NGF: variants seen among roughly 807,000 people sequenced by gnomAD.
NGF encodes nerve growth factor, also known as beta-nerve growth factor.
A neutral mutation model predicts 12.8 loss-of-function variants in NGF; 4 were observed. That is an observed-to-expected ratio of 0.31 (90% confidence interval 0.15 to 0.72). The LOEUF (loss-of-function observed/expected upper bound fraction) is 0.72, where lower values mean the gene tolerates loss of function less well. Among genes scored for constraint, NGF ranks in the 30% least tolerant of loss-of-function variants. NGF has a pLI of 0.69. For missense variants in NGF, 283 were observed against 330.8 expected, an observed-to-expected ratio of 0.86 and a Z score of 1.12; for synonymous variants, 140 against 130.0, an observed-to-expected ratio of 1.08 and a Z score of -0.52.
intron 1 of NGF, among the ~76,000 whole-genome samples, chr1:115,294,924 G>A (rs1397119530): frequency 6.6e-6 from 1 of 152,184 alleles, no homozygotes; most frequent in Non-Finnish European, 1.5e-5. Flanking sequence ...GAACAAGAGG[G>A]TGATATTTAC....
intron 1 of NGF, among the ~76,000 whole-genome samples, chr1:115,333,845 T>G (rs1405677720): frequency 6.6e-6 from 1 of 151,582 alleles, no homozygotes; most frequent in African/African-American, 2.4e-5. Flanking sequence ...CTCTTTCTTT[T>G]CTTTTCTTTC....
At chr1:115,308,870 A>C (rs4529705) in intron 1 of NGF, among the ~76,000 whole-genome samples, 1 of 151,936 alleles carries the variant, frequency 6.6e-6, no homozygotes, top group Non-Finnish European at 1.5e-5. Flanking sequence ...TATACCATTC[A>C]TCAGTCAGAG....
chr1:115,323,878 T>C (rs1309939641), intron 1 of NGF, among the ~76,000 whole-genome samples: 1 of 152,174 alleles, frequency 6.6e-6, no homozygotes, highest in Non-Finnish European at 1.5e-5. Flanking sequence ...ACCCTGACCA[T>C]ACCCTTTCTC....
chr1:115,311,376 T>C (rs1205648410), intron 1 of NGF, among the ~76,000 whole-genome samples: 1 of 152,178 alleles, frequency 6.6e-6, no homozygotes, highest in African/African-American at 2.4e-5. Flanking sequence ...CTCTTAAATG[T>C]ATGCTCAGTA....
intron 1 of NGF, among the ~76,000 whole-genome samples, chr1:115,316,987 A>T (rs557844659): frequency 1.3e-5 from 2 of 152,178 alleles, no homozygotes; most frequent in East Asian, 3.9e-4. Context: ...ATCCTTCCAG[A>T]ATTGTCCATG....
chr1:115,333,499 T>TAAAAAAAAAAAAAAAAA (rs34024301), intron 1 of NGF, among the ~76,000 whole-genome samples: 1 of 76,594 alleles, frequency 1.3e-5, no homozygotes, highest in African/African-American at 5.0e-5. Context: ...ATAGTACTAC[T>TAAAAAAAAAAAAAAAAA]AAAAAAAAAA....
At chr1:115,336,040 C>A (rs1165884228) in intron 1 of NGF, among the ~76,000 whole-genome samples, 1 of 152,170 alleles carries the variant, frequency 6.6e-6, no homozygotes, top group Non-Finnish European at 1.5e-5. Context: ...ACAGATTTCT[C>A]CCTGAAAGAG....
chr1:115,301,656 A>G (rs2101033290), intron 1 of NGF, among the ~76,000 whole-genome samples: 1 of 152,308 alleles, frequency 6.6e-6, no homozygotes, highest in Middle Eastern at 3.4e-3. Flanking sequence ...GGAACTGAGC[A>G]ATTGTAGAAC....
At chr1:115,306,203 T>C (rs921752822) in intron 1 of NGF, among the ~76,000 whole-genome samples, 3 of 152,204 alleles carry the variant, frequency 2.0e-5, no homozygotes, top group African/African-American at 7.2e-5. Context: ...GCAAAGACTA[T>C]GGTTTGAGGG....
intron 1 of NGF, among the ~76,000 whole-genome samples, chr1:115,331,366 C>T (rs1295139397): frequency 6.6e-6 from 1 of 152,160 alleles, no homozygotes; most frequent in Non-Finnish European, 1.5e-5. Flanking sequence ...ATGGGACAGC[C>T]CCTCACTGCC....
chr1:115,333,107 G>T (rs570369135), intron 1 of NGF, among the ~76,000 whole-genome samples: 8 of 152,252 alleles, frequency 5.3e-5, no homozygotes, highest in Non-Finnish European at 1.0e-4. Flanking sequence ...ACCTGGGCAA[G>T]GGCTGAGCTC....
intron 1 of NGF, among the ~76,000 whole-genome samples, chr1:115,319,930 G>T (rs1204958354): frequency 6.6e-6 from 1 of 152,174 alleles, no homozygotes; most frequent in Non-Finnish European, 1.5e-5. Context: ...AATATCATTA[G>T]ATGGCAAGGG....
At chr1:115,328,886 T>C (rs1193927437) in intron 1 of NGF, among the ~76,000 whole-genome samples, 1 of 152,100 alleles carries the variant, frequency 6.6e-6, no homozygotes, top group Non-Finnish European at 1.5e-5. Context: ...AAGCATGAAA[T>C]GGGAGAAAGA....
intron 1 of NGF, among the ~76,000 whole-genome samples, chr1:115,333,753 CCT>C (rs1428086016): frequency 1.9e-5 from 2 of 103,840 alleles, no homozygotes; most frequent in African/African-American, 5.7e-5. Context: ...TTCCTTCCTC[CCT>C]CCCCCCTCTC....
chr1:115,329,006 T>A (rs1010447669), intron 1 of NGF, among the ~76,000 whole-genome samples: 1 of 151,740 alleles, frequency 6.6e-6, no homozygotes, highest in African/African-American at 2.4e-5. Context: ...ATAGTTCTGA[T>A]GAGGTTGAGT....
intron 1 of NGF, among the ~76,000 whole-genome samples, chr1:115,326,117 A>G (rs982407864): frequency 3.9e-5 from 6 of 152,094 alleles, no homozygotes; most frequent in Non-Finnish European, 8.8e-5. Context: ...TCTAGAAAGG[A>G]AAGCTGAGCT....
intron 1 of NGF, among the ~76,000 whole-genome samples, chr1:115,305,323 G>A (rs1654172223): frequency 6.6e-6 from 1 of 152,166 alleles, no homozygotes; most frequent in Non-Finnish European, 1.5e-5. Context: ...AGTGCTGTGG[G>A]GAAGTAGAAG....
intron 1 of NGF, among the ~76,000 whole-genome samples, chr1:115,325,678 AAAC>A (rs1463710399): frequency 1.3e-5 from 2 of 152,198 alleles, no homozygotes; most frequent in East Asian, 1.9e-4. Flanking sequence ...CCTAAAAGAA[AAAC>A]AACAGCAGAG....
intron 1 of NGF, among the ~76,000 whole-genome samples, chr1:115,315,414 T>C (rs552648142): frequency 6.6e-6 from 1 of 152,060 alleles, no homozygotes; most frequent in East Asian, 1.9e-4. Context: ...ATTGGAGGAA[T>C]AGGGTCAAAA....
Sources: allele counts gnomAD v4.1 joint callset (sites outside exome capture counted in the v4.1 genomes callset), GRCh38; gene constraint gnomAD v4.1.1; transcripts MANE v1.5; gene names NCBI Gene and HGNC (gene_info 2026-07-23, HGNC 2026-07-21).